The following MACROH2A1 variants were observed in gnomAD, a reference collection of about 807,000 sequenced individuals.
MACROH2A1 encodes the protein macroH2A.1 histone.
MACROH2A1 carries 2 observed loss-of-function variants against 31.6 expected under a neutral mutation model. The ratio of observed to expected loss-of-function variants is 0.06; its 90% CI spans 0.03 to 0.20. The LOEUF (loss-of-function observed/expected upper bound fraction) is 0.20. Among genes scored for constraint, MACROH2A1 ranks in the 10% least tolerant of loss-of-function variants. The pLI, the probability that MACROH2A1 is intolerant of heterozygous loss-of-function variation, is 1.00. For missense variants in MACROH2A1, 230 were observed against 474.0 expected (o/e 0.49, Z 4.78); for synonymous variants, 169 against 189.6 (o/e 0.89, Z 0.89).
Position 135,334,810 on chromosome 5 carries a change from A to AAAAAT in MACROH2A1, c.*165_*166insATTTT, listed in dbSNP as rs371275912. On this transcript the variant is annotated 3_prime_UTR_variant, in exon 9 of 9. Transcript: ENST00000511689. Reference sequence around the variant, plus strand: ...ATCAGTGCTAACATAAAAACATTTTAGAAGGTCAAAAACAATTAAACTGGA... The same window carrying AAAAAT: ...ATCAGTGCTAACATAAAAACATTTTAAAAATGAAGGTCAAAAACAATTAAACTGGA... The AAAAAT allele has an allele frequency of 0.065, 40,679 of 625,364 alleles. 1,647 individuals are homozygous for AAAAAT. The highest frequency in any genetic ancestry group is 0.083 in the Non-Finnish European group (29,038 of 349,352). The allele number at this position is 625,364 out of a possible 1,614,324, so 38.7% of individuals were successfully genotyped here.
intron 2 of MACROH2A1, among the ~76,000 whole-genome samples, chr5:135,370,491 C>T (rs1402064630): frequency 6.6e-6 from 1 of 152,170 alleles, no homozygotes; most frequent in Non-Finnish European, 1.5e-5. Context: ...GCAGATGTCA[C>T]CAGGGCCAAA....
rs1489063315 is a variant in MACROH2A1 at position 135,377,911 on chromosome 5, T to G, written c.173-7769A>C. On this transcript the variant is annotated intron_variant, in intron 2 of 8. Coordinates refer to ENST00000511689, the MANE Select transcript of MACROH2A1 (RefSeq NM_138610.3). Reference sequence around the variant, plus strand: ...TTTCTAGGTTCTTTTTTCATGGCTGTTTTTAGAGCAGTGTGAGTGTGTCAT... The same window carrying G: ...TTTCTAGGTTCTTTTTTCATGGCTGGTTTTAGAGCAGTGTGAGTGTGTCAT... 2.0e-5 allele frequency among the ~76,000 whole-genome samples: 3 copies of G among 152,166 alleles called. No homozygotes were observed. In the East Asian group the frequency reaches 5.8e-4, roughly 29 times the overall value.
chr5:135,382,652 T>C (rs1206203384), intron 2 of MACROH2A1, among the ~76,000 whole-genome samples: 1 of 152,204 alleles, frequency 6.6e-6, no homozygotes, highest in Non-Finnish European at 1.5e-5. Flanking sequence ...AGCTGGTCTT[T>C]ATGAAAATCA....
At chr5:135,385,588 CCT>C (rs769414063) in intron 2 of MACROH2A1, among the ~76,000 whole-genome samples, 2 of 152,170 alleles carry the variant, frequency 1.3e-5, no homozygotes, top group Non-Finnish European at 2.9e-5. Context: ...CCAGTTTCTC[CCT>C]CTCTCTGTAG....
chr5:135,359,991 G>T, intron 5 of MACROH2A1: 1 of 719,894 alleles, frequency 1.4e-6, no homozygotes, highest in Non-Finnish European at 1.7e-6. Flanking sequence ...TTAGCTGGAA[G>T]AGTCATCTGG....
chr5:135,338,584 C>T (rs964632482), intron 8 of MACROH2A1, among the ~76,000 whole-genome samples: 6 of 152,166 alleles, frequency 3.9e-5, no homozygotes, highest in Admixed American at 2.0e-4. Flanking sequence ...TGGCCGTGAC[C>T]GTGGGCATGC....
chr5:135,367,601 C>G (rs927088643), intron 4 of MACROH2A1, among the ~76,000 whole-genome samples: 3 of 152,188 alleles, frequency 2.0e-5, no homozygotes, highest in Non-Finnish European at 4.4e-5. Context: ...CAAGATTCAG[C>G]CCAGGTTTGC....
intron 1 of MACROH2A1, among the ~76,000 whole-genome samples, chr5:135,396,488 C>T (rs942059526): frequency 4.6e-5 from 7 of 152,150 alleles, no homozygotes; most frequent in African/African-American, 9.7e-5. Flanking sequence ...TCAGCCATCC[C>T]GAGCCTCTGG....
Position 135,377,592 on chromosome 5 carries a change from C to T in MACROH2A1, c.173-7450G>A, listed in dbSNP as rs555221335. Among the ~76,000 whole-genome samples the T allele has an allele frequency of 2.0e-5, 3 of 152,212 alleles. No individual in the cohort carries two copies. The South Asian group carries it at 6.2e-4, about 32-fold the overall frequency. ...CGTCTGCAATCGGGCTACACATGTT[C>T]ATCAAGACAGGGGAGCAGCTTCGCC... On this transcript the variant is annotated intron_variant, in intron 2 of 8. Coordinates refer to ENST00000511689, the MANE Select transcript of MACROH2A1 (RefSeq NM_138610.3).
intron 8 of MACROH2A1, chr5:135,338,140 TC>T: frequency 6.0e-6 from 2 of 335,702 alleles, no homozygotes; most frequent in African/African-American, 2.2e-5. Flanking sequence ...CCCTGCAGCC[TC>T]CAGACAGAGG....
chr5:135,377,562 G>A (rs1765054433), intron 2 of MACROH2A1, among the ~76,000 whole-genome samples: 1 of 152,214 alleles, frequency 6.6e-6, no homozygotes, highest in African/African-American at 2.4e-5. Context: ...TGGGGGAGGA[G>A]GCGACGTCTG....
intron 4 of MACROH2A1, chr5:135,361,737 T>C (rs1762874649): frequency 6.6e-6 from 1 of 152,364 alleles, no homozygotes; most frequent in Middle Eastern, 3.4e-3. Flanking sequence ...CTGTGTCCTA[T>C]CCATTTGCCT....
At chr5:135,377,511 A>C (rs1765047373) in intron 2 of MACROH2A1, among the ~76,000 whole-genome samples, 1 of 152,208 alleles carries the variant, frequency 6.6e-6, no homozygotes, top group South Asian at 2.1e-4. Context: ...AAAGCGAAAG[A>C]GCGAGGAGCA....
chr5:135,359,696 C>G (rs1762598067), intron 5 of MACROH2A1: 3 of 980,932 alleles, frequency 3.1e-6, no homozygotes, highest in South Asian at 9.4e-5. Flanking sequence ...AGTTTGTTAC[C>G]ACACTCAAAC....
chr5:135,338,423 T>C (rs3822375), intron 8 of MACROH2A1, among the ~76,000 whole-genome samples: 3,520 of 152,256 alleles, frequency 0.023, 89 homozygotes, highest in Admixed American at 0.07. Context: ...GTCTATAAAG[T>C]AGGTGGCTTT....
chr5:135,389,602 T>TA (rs1300748291), intron 1 of MACROH2A1, among the ~76,000 whole-genome samples: 1 of 152,196 alleles, frequency 6.6e-6, no homozygotes, highest in Non-Finnish European at 1.5e-5. Context: ...AAGAACAGCT[T>TA]ACAGGAGTCA....
At chr5:135,343,560 G>A (rs1232236511) in intron 7 of MACROH2A1, 126 bp from the exon 8 acceptor site, 15 of 1,406,628 alleles carry the variant, frequency 1.1e-5, no homozygotes, top group Non-Finnish European at 9.6e-7. Context: ...CTGTGTCCGA[G>A]GAGTTCCACA....
intron 2 of MACROH2A1, among the ~76,000 whole-genome samples, chr5:135,371,202 TG>T (rs1307292974): frequency 6.6e-6 from 1 of 152,098 alleles, no homozygotes; most frequent in East Asian, 1.9e-4. Context: ...AATCAGGGAC[TG>T]GGGGTGGGGT....
At position 135,363,196 on chromosome 5, in the gene MACROH2A1, A is replaced by G. The variant is rs1375138220; in HGVS notation, c.478-2589T>C. ...AAAACCCCACTGCTACCAAAAATAC[A>G]AAAAAAAAAAGAAAGAAAGAAAATG... On this transcript the variant is annotated intron_variant, in intron 4 of 8. Transcript: ENST00000511689. Among the ~76,000 whole-genome samples the G allele has an allele frequency of 5.3e-5, 7 of 131,128 alleles. No homozygotes were observed. In the East Asian group the frequency reaches 1.4e-3, roughly 26 times the overall value. The allele number at this position is 131,128 out of a possible 152,430, so 86.0% of individuals were successfully genotyped here.
Sources: allele counts gnomAD v4.1 joint callset (sites outside exome capture counted in the v4.1 genomes callset), GRCh38; gene constraint gnomAD v4.1.1; transcripts MANE v1.5; gene names NCBI Gene and HGNC (gene_info 2026-07-23, HGNC 2026-07-21).